CNBD1: variants seen among roughly 807,000 people sequenced by gnomAD.
CNBD1 encodes cyclic nucleotide-binding domain-containing protein 1.
A neutral mutation model predicts 54.4 loss-of-function variants in CNBD1; 71 were observed. The ratio of observed to expected loss-of-function variants is 1.30; its 90% CI spans 1.08 to 1.59. The LOEUF (loss-of-function observed/expected upper bound fraction) is 1.59, where lower values mean the gene tolerates loss of function less well. Ranked by LOEUF, CNBD1 falls within the 40% of genes most tolerant of loss-of-function variation. The pLI, the probability that CNBD1 is intolerant of heterozygous loss-of-function variation, is 0.00. For missense variants in CNBD1, 659 were observed against 518.0 expected (o/e 1.27, Z -2.64); for synonymous variants, 182 against 170.7 (o/e 1.07, Z -0.51).
At chr8:87,341,920 T>A (rs1418289471) in intron 8 of CNBD1, among the ~76,000 whole-genome samples, 1 of 152,176 alleles carries the variant, frequency 6.6e-6, no homozygotes, top group East Asian at 1.9e-4. Flanking sequence ...ATCTATGTGG[T>A]GGTTTCATGT....
At chr8:87,383,323 C>T (rs144562892), downstream of CNBD1, among the ~76,000 whole-genome samples, 82 of 152,160 alleles carry the variant, frequency 5.4e-4, no homozygotes, top group East Asian at 0.015. Flanking sequence ...GATCTTATAC[C>T]TGGTGCCATG....
At chr8:86,871,129 T>C (rs539389356) in intron 1 of CNBD1, among the ~76,000 whole-genome samples, 2 of 152,358 alleles carry the variant, frequency 1.3e-5, no homozygotes, top group East Asian at 3.9e-4. Context: ...GTTTAGAAAT[T>C]AAGCTATGGG....
intron 4 of CNBD1, among the ~76,000 whole-genome samples, chr8:87,015,757 A>T (rs1193539364): frequency 6.6e-6 from 1 of 151,928 alleles, no homozygotes; most frequent in Non-Finnish European, 1.5e-5. Flanking sequence ...AGGCGGGTGG[A>T]TCACTTCAGG....
chr8:87,373,238 T>C (rs2130950753), intron 10 of CNBD1, among the ~76,000 whole-genome samples: 1 of 151,956 alleles, frequency 6.6e-6, no homozygotes. Context: ...TGACCAATGA[T>C]ACTTCTACTG....
intron 4 of CNBD1, among the ~76,000 whole-genome samples, chr8:86,994,597 G>A (rs1484186712): frequency 6.6e-6 from 1 of 152,138 alleles, no homozygotes; most frequent in Non-Finnish European, 1.5e-5. Context: ...CATCCCCATG[G>A]TCCACAGCAA....
At chr8:87,180,528 A>G (rs1434598912) in intron 4 of CNBD1, among the ~76,000 whole-genome samples, 2 of 152,210 alleles carry the variant, frequency 1.3e-5, no homozygotes, top group Admixed American at 6.5e-5. Flanking sequence ...ACTAAGATAA[A>G]TAGTTGGATG....
At chr8:87,029,272 T>C (rs1809726892) in intron 4 of CNBD1, among the ~76,000 whole-genome samples, 1 of 152,174 alleles carries the variant, frequency 6.6e-6, no homozygotes, top group African/African-American at 2.4e-5. Flanking sequence ...AAGTGGAGCA[T>C]AGTGCAGTAT....
At chr8:87,391,879 C>T (rs1370693995) in intron 2 of CNBD1, among the ~76,000 whole-genome samples, 1 of 151,980 alleles carries the variant, frequency 6.6e-6, no homozygotes, top group Non-Finnish European at 1.5e-5. Context: ...CTGCAAATGA[C>T]ACTATCAAGA....
intron 8 of CNBD1, 99 bp downstream of exon 8, chr8:87,286,770 T>A: frequency 1.3e-6 from 1 of 794,262 alleles, no homozygotes; most frequent in Non-Finnish European, 2.0e-6. Flanking sequence ...TATTTCTTCA[T>A]ATAAATATTC....
intron 4 of CNBD1, among the ~76,000 whole-genome samples, chr8:87,125,018 A>T (rs1811964186): frequency 6.6e-6 from 1 of 151,818 alleles, no homozygotes; most frequent in Admixed American, 6.6e-5. Flanking sequence ...AAATTATCTG[A>T]AAAGGAAGTT....
Position 87,034,713 on chromosome 8 carries a change from A to T in CNBD1, c.431+94959A>T, listed in dbSNP as rs762366729. ...GCATGACATACTTAAACTTTCTTAA[A>T]TTTTTTTATGTTCCTAGGCTACATA... is the stretch of plus-strand genomic sequence containing the variant. On this transcript the variant is annotated intron_variant, in intron 4 of 10. Transcript: ENST00000518476. 5.9e-5 allele frequency among the ~76,000 whole-genome samples: 9 copies of T among 152,200 alleles called. No individual in the cohort carries two copies. In the South Asian group the frequency reaches 8.3e-4, roughly 14 times the overall value.
chr8:87,276,756 A>T (rs961757862), intron 6 of CNBD1, among the ~76,000 whole-genome samples: 14 of 151,882 alleles, frequency 9.2e-5, no homozygotes, highest in Admixed American at 5.3e-4. Flanking sequence ...AGGGAAATAC[A>T]TTATTTCGAG....
chr8:86,966,355 G>A (rs538121172), intron 4 of CNBD1, among the ~76,000 whole-genome samples: 6 of 152,200 alleles, frequency 3.9e-5, no homozygotes, highest in Non-Finnish European at 5.9e-5. Context: ...GGTTGCTTCC[G>A]GTCGGTTCTT....
At chr8:87,372,104 A>G (rs1810821763) in intron 10 of CNBD1, among the ~76,000 whole-genome samples, 1 of 152,080 alleles carries the variant, frequency 6.6e-6, no homozygotes, top group Non-Finnish European at 1.5e-5. Flanking sequence ...GTCTCAGCCC[A>G]AAATCTTCTT....
At chr8:87,068,085 T>C (rs1196880726) in intron 4 of CNBD1, among the ~76,000 whole-genome samples, 2 of 152,068 alleles carry the variant, frequency 1.3e-5, no homozygotes, top group African/African-American at 4.8e-5. Flanking sequence ...TCATCTGTTC[T>C]TTCAGTATTT....
At chr8:87,121,383 ATTATTT>A (rs1811886392) in intron 4 of CNBD1, among the ~76,000 whole-genome samples, 1 of 151,838 alleles carries the variant, frequency 6.6e-6, no homozygotes, top group Admixed American at 6.6e-5. Context: ...ATTTATTAAA[ATTATTT>A]TTATTGACAG....
chr8:87,246,620 T>C (rs942754865), intron 6 of CNBD1, among the ~76,000 whole-genome samples: 2 of 152,144 alleles, frequency 1.3e-5, no homozygotes, highest in Non-Finnish European at 2.9e-5. Flanking sequence ...CAAAATTACC[T>C]GGACACAGAG....
Position 86,940,923 on chromosome 8 carries a change from C to T in CNBD1, c.431+1169C>T, listed in dbSNP as rs555232002. On this transcript the variant is annotated intron_variant, in intron 4 of 10. Transcript: ENST00000518476. ...GTAACATGTTTTGCAGGTTTGTAGC[C>T]TAGGAACAACAGGCTATACCAGCTG... Among the ~76,000 whole-genome samples, 4 of 152,230 alleles carry T rather than the reference C, an allele frequency of 2.6e-5. No individual in the cohort carries two copies. In the East Asian group the frequency reaches 5.8e-4, roughly 22 times the overall value.
Position 87,142,631 on chromosome 8 carries a change from A to G in CNBD1, c.432-63362A>G, listed in dbSNP as rs577969025. On this transcript the variant is annotated intron_variant, in intron 4 of 10. Coordinates refer to ENST00000518476, the MANE Select transcript of CNBD1 (RefSeq NM_173538.3). ...TAGTGCCATATTTATCTACATATGC[A>G]AAAGTGTACATTGTGTCTCTCTCCT... Among the ~76,000 whole-genome samples the G allele has an allele frequency of 3.4e-4, 52 of 152,322 alleles. 1 individual carries two copies. In the South Asian group the frequency reaches 6.6e-3, roughly 19 times the overall value.
Sources: allele counts gnomAD v4.1 joint callset (sites outside exome capture counted in the v4.1 genomes callset), GRCh38; gene constraint gnomAD v4.1.1; transcripts MANE v1.5; gene names NCBI Gene and HGNC (gene_info 2026-07-23, HGNC 2026-07-21).